The following THNSL1 variants were observed in gnomAD, a reference collection of about 807,000 sequenced individuals.
THNSL1 encodes threonine synthase like 1, also known as threonine synthase-like 1.
Under a neutral mutation model 50.4 loss-of-function variants are expected in THNSL1, and 48 were observed. That is an observed-to-expected ratio of 0.95 (90% CI 0.76 to 1.21). The LOEUF (loss-of-function observed/expected upper bound fraction) is 1.21. Among genes scored for constraint, THNSL1 ranks in the 50% most tolerant of loss-of-function variants. The probability of loss-of-function intolerance (pLI) is 0.00; values close to 1 mark genes in which losing one functional copy is unlikely to be tolerated. For synonymous variants in THNSL1, 309 were observed against 306.1 expected (o/e 1.01, Z -0.10); for missense variants, 896 against 871.7 (o/e 1.03, Z -0.35).
At chr10:25,009,825 T>C in the THNSL1 span, among the ~76,000 whole-genome samples, 1 of 152,308 alleles carries the variant, frequency 6.6e-6, no homozygotes, top group South Asian at 2.1e-4. Flanking sequence ...TTTCCCACTA[T>C]GTAAGATGTG....
At chr10:24,975,085 T>C in the THNSL1 span, among the ~76,000 whole-genome samples, 1 of 152,272 alleles carries the variant, frequency 6.6e-6, no homozygotes, top group Middle Eastern at 3.4e-3. Context: ...TTAAACCACA[T>C]GTGGCCTCCA....
At chr10:24,965,570 A>C in the THNSL1 span, among the ~76,000 whole-genome samples, 2 of 152,382 alleles carry the variant, frequency 1.3e-5, no homozygotes, top group African/African-American at 4.8e-5. Flanking sequence ...ATGGAAAATT[A>C]AGTTCTCTGT....
the THNSL1 span, among the ~76,000 whole-genome samples, chr10:24,964,142 T>G: frequency 6.6e-6 from 1 of 152,198 alleles, no homozygotes; most frequent in Non-Finnish European, 1.5e-5. Context: ...ATTGTAACCA[T>G]CAACAATGTC....
At chr10:24,961,258 C>A in the THNSL1 span, among the ~76,000 whole-genome samples, 1 of 152,138 alleles carries the variant, frequency 6.6e-6, no homozygotes, top group Non-Finnish European at 1.5e-5. Context: ...AAACATATAA[C>A]ACAAGTGTTT....
At chr10:24,965,060 C>CA in the THNSL1 span, among the ~76,000 whole-genome samples, 4,472 of 120,408 alleles carry the variant, frequency 0.037, 190 homozygotes, top group African/African-American at 0.11. Context: ...AATCCTATCT[C>CA]AAAAAAAAAA....
rs1850833782 is a variant in THNSL1 at position 25,025,555 on chromosome 10, A to G, written c.*100A>G. On this transcript the variant is annotated 3_prime_UTR_variant, in exon 3 of 3. Coordinates refer to ENST00000376356, the MANE Select transcript of THNSL1 (RefSeq NM_024838.5). ...GTAGCATTTTGTCTTTTATGTAAATATCTCTATATCTGTTTGGAATTTCAA... is the reference window on the plus strand; with the variant it reads ...GTAGCATTTTGTCTTTTATGTAAATGTCTCTATATCTGTTTGGAATTTCAA... 2 of 1,140,934 alleles carry G rather than the reference A, an allele frequency of 1.8e-6. No homozygotes were observed. Among genetic ancestry groups the G allele is most frequent in the Non-Finnish European group, 2.5e-6 (2 of 810,340 alleles). The allele number at this position is 1,140,934 out of a possible 1,614,324, so 70.7% of individuals were successfully genotyped here.
chr10:24,984,557 T>G, the THNSL1 span: 3 of 1,055,824 alleles, frequency 2.8e-6, no homozygotes, highest in Middle Eastern at 6.3e-4. Context: ...AAAAACAAAA[T>G]TTCTTCTTGT....
At chr10:24,975,397 G>T in the THNSL1 span, among the ~76,000 whole-genome samples, 1 of 152,284 alleles carries the variant, frequency 6.6e-6, no homozygotes, top group African/African-American at 2.4e-5. Flanking sequence ...AACTCTAGTG[G>T]TGAATAGTGG....
At chr10:24,999,159 T>C in the THNSL1 span, among the ~76,000 whole-genome samples, 1 of 152,236 alleles carries the variant, frequency 6.6e-6, no homozygotes, top group Non-Finnish European at 1.5e-5. Flanking sequence ...AAGATGGTGA[T>C]GCATGTGGGC....
the THNSL1 span, among the ~76,000 whole-genome samples, chr10:24,977,419 C>T: frequency 3.3e-5 from 5 of 152,148 alleles, no homozygotes; most frequent in Non-Finnish European, 5.9e-5. Flanking sequence ...ATTACCTAAT[C>T]ACACACAGGC....
At chr10:24,959,927 T>C in the THNSL1 span, among the ~76,000 whole-genome samples, 14 of 152,290 alleles carry the variant, frequency 9.2e-5, no homozygotes, top group African/African-American at 3.4e-4. Flanking sequence ...GCTAAGGCCT[T>C]TCTCATCTTG....
the THNSL1 span, among the ~76,000 whole-genome samples, chr10:24,966,175 C>A: frequency 2.0e-5 from 3 of 152,216 alleles, no homozygotes; most frequent in Admixed American, 6.5e-5. Flanking sequence ...GAAACTGGAA[C>A]CTCTCTGCTG....
the THNSL1 span, among the ~76,000 whole-genome samples, chr10:24,970,830 C>A: frequency 6.6e-6 from 1 of 152,128 alleles, no homozygotes; most frequent in Non-Finnish European, 1.5e-5. Context: ...TTGAGACCAG[C>A]CTGGCCAACA....
upstream of THNSL1, among the ~76,000 whole-genome samples, chr10:25,016,503 C>T (rs987307176): frequency 6.6e-6 from 1 of 152,152 alleles, no homozygotes; most frequent in Admixed American, 6.5e-5. Context: ...AGGCCAGCGC[C>T]GCCAGGGAGA....
the THNSL1 span, among the ~76,000 whole-genome samples, chr10:24,981,526 T>C: frequency 2.0e-5 from 3 of 152,070 alleles, no homozygotes; most frequent in Non-Finnish European, 4.4e-5. Context: ...TGCAACCAGA[T>C]TTTATGGGTG....
At chr10:25,023,109 A>G (rs1850757963) in intron 2 of THNSL1, 67 bp from the exon 3 acceptor site, 2 of 991,992 alleles carry the variant, frequency 2.0e-6, no homozygotes, top group South Asian at 3.4e-5. Context: ...TGGGATTTTA[A>G]CAATCTACTG....
the THNSL1 span, among the ~76,000 whole-genome samples, chr10:24,989,208 G>C: frequency 6.6e-6 from 1 of 152,192 alleles, no homozygotes; most frequent in Non-Finnish European, 1.5e-5. Flanking sequence ...ATGGGCCACA[G>C]ACGAGAACTC....
At chr10:24,958,636 A>G in the THNSL1 span, among the ~76,000 whole-genome samples, 2 of 152,112 alleles carry the variant, frequency 1.3e-5, no homozygotes, top group Non-Finnish European at 2.9e-5. Context: ...AAAGAAAATA[A>G]TATCTCCAGA....
the THNSL1 span, among the ~76,000 whole-genome samples, chr10:25,002,430 G>T: frequency 1.3e-5 from 2 of 152,118 alleles, no homozygotes; most frequent in African/African-American, 4.8e-5. Flanking sequence ...AGACTCCTAG[G>T]CTTTGTTTTA....
Sources: allele counts gnomAD v4.1 joint callset (sites outside exome capture counted in the v4.1 genomes callset), GRCh38; gene constraint gnomAD v4.1.1; transcripts MANE v1.5; gene names NCBI Gene and HGNC (gene_info 2026-07-23, HGNC 2026-07-21).